The following EXOC6 variants were observed in gnomAD, a reference collection of about 807,000 sequenced individuals.
EXOC6 encodes the protein SEC15-like 1.
A neutral mutation model predicts 112.5 loss-of-function variants in EXOC6; 60 were observed. The ratio of observed to expected loss-of-function variants is 0.53; its 90% CI spans 0.43 to 0.66. The LOEUF is 0.66. Ranked by LOEUF, EXOC6 falls within the 30% of genes least tolerant of loss-of-function variation. The pLI, the probability that EXOC6 is intolerant of heterozygous loss-of-function variation, is 0.00. For missense variants in EXOC6, 855 were observed against 957.1 expected (o/e 0.89, Z 1.41); for synonymous variants, 295 against 308.0 (o/e 0.96, Z 0.44).
intron 18 of EXOC6, among the ~76,000 whole-genome samples, chr10:92,991,144 A>C (rs985969761): frequency 1.3e-5 from 2 of 149,420 alleles, no homozygotes; most frequent in Non-Finnish European, 3.0e-5. Flanking sequence ...TTTTTTTCCC[A>C]AGACAGAGTC....
intron 18 of EXOC6, among the ~76,000 whole-genome samples, chr10:92,977,337 T>C (rs948155625): frequency 1.3e-5 from 2 of 151,876 alleles, no homozygotes. Flanking sequence ...AAGAACCAAT[T>C]AGAAAAGTTG....
intron 18 of EXOC6, among the ~76,000 whole-genome samples, chr10:92,994,113 G>T (rs1482710778): frequency 6.6e-6 from 1 of 152,216 alleles, no homozygotes; most frequent in Admixed American, 6.5e-5. Context: ...TTAGCAGATT[G>T]TAGTCATATT....
At chr10:92,843,516 A>G (rs994765667), upstream of EXOC6, among the ~76,000 whole-genome samples, 19 of 152,206 alleles carry the variant, frequency 1.2e-4, no homozygotes, top group Admixed American at 2.0e-4. Context: ...CCCAGGGGTG[A>G]GGAGGGGAAT....
At chr10:92,893,209 C>T (rs992984045) in intron 1 of EXOC6, 140 bp from the exon 2 acceptor site, 74 of 568,262 alleles carry the variant, frequency 1.3e-4, no homozygotes, top group African/African-American at 3.6e-4. Flanking sequence ...AATACTTTCA[C>T]GCAAATTATT....
intron 17 of EXOC6, among the ~76,000 whole-genome samples, chr10:92,966,240 C>A (rs116204231): frequency 0.014 from 2,140 of 150,228 alleles, 51 homozygotes; most frequent in African/African-American, 0.05. Flanking sequence ...GTTTTCTGAA[C>A]CACTTTTTCC....
At chr10:92,847,803 G>A (rs1255416250), upstream of EXOC6, among the ~76,000 whole-genome samples, 2 of 148,092 alleles carry the variant, frequency 1.4e-5, no homozygotes, top group South Asian at 4.3e-4. Flanking sequence ...TGAGTTCACG[G>A]ACTTTGGTAT....
chr10:93,053,029 C>G (rs1251507230), intron 20 of EXOC6, among the ~76,000 whole-genome samples: 1 of 152,098 alleles, frequency 6.6e-6, no homozygotes, highest in African/African-American at 2.4e-5. Context: ...TGAGATTTTT[C>G]ATAATGTAGA....
intron 20 of EXOC6, among the ~76,000 whole-genome samples, chr10:93,049,237 T>A (rs896957689): frequency 2.0e-5 from 3 of 151,954 alleles, no homozygotes; most frequent in Non-Finnish European, 4.4e-5. Flanking sequence ...TTTTATATAT[T>A]TTTTTAGTAG....
At chr10:92,931,387 TA>T in intron 9 of EXOC6, among the ~76,000 whole-genome samples, 1 of 151,712 alleles carries the variant, frequency 6.6e-6, no homozygotes, top group Non-Finnish European at 1.5e-5. Flanking sequence ...ACTGTCAGGC[TA>T]TTTTTTTTAG....
At chr10:92,912,615 C>T (rs1193069199) in intron 6 of EXOC6, among the ~76,000 whole-genome samples, 1 of 152,124 alleles carries the variant, frequency 6.6e-6, no homozygotes, top group African/African-American at 2.4e-5. Context: ...ACAGTGTGTG[C>T]ATCAGTAATT....
intron 12 of EXOC6, among the ~76,000 whole-genome samples, chr10:92,937,560 A>T (rs1852414831): frequency 6.6e-6 from 1 of 152,022 alleles, no homozygotes. Context: ...TTATTTTATC[A>T]CTCATGTCTA....
chr10:92,976,517 C>T (rs552464013), intron 18 of EXOC6, among the ~76,000 whole-genome samples: 1 of 151,768 alleles, frequency 6.6e-6, no homozygotes, highest in African/African-American at 2.4e-5. Flanking sequence ...CCCAGGGACA[C>T]AAACACTGCG....
At chr10:92,990,708 C>G (rs1233994448) in intron 18 of EXOC6, among the ~76,000 whole-genome samples, 3 of 151,926 alleles carry the variant, frequency 2.0e-5, no homozygotes, top group Non-Finnish European at 4.4e-5. Context: ...GGTTTATTGC[C>G]CCTGTCAACC....
rs67242778 is a variant in EXOC6 at position 92,988,800 on chromosome 10, T to TACACACACACACAC, written c.1954-8647_1954-8634dup. Among the ~76,000 whole-genome samples the TACACACACACACAC allele has an allele frequency of 1.7e-3, 242 of 143,082 alleles. 2 individuals are homozygous for TACACACACACACAC. Among genetic ancestry groups the TACACACACACACAC allele is most frequent in the African/African-American group, 4.5e-3 (176 of 38,962 alleles). The allele number at this position is 143,082 out of a possible 152,430, so 93.9% of individuals were successfully genotyped here. ...GACAAAACCCCATCTCTACAAAAAA[T>TACACACACACACAC]ACACACACACACACACACACACACA... On this transcript the variant is annotated intron_variant, in intron 18 of 21. Coordinates refer to ENST00000260762, the MANE Select transcript of EXOC6 (RefSeq NM_019053.6).
At chr10:92,973,916 A>C (rs984047783) in intron 17 of EXOC6, 137 bp from the exon 18 acceptor site, 42 of 699,368 alleles carry the variant, frequency 6.0e-5, no homozygotes, top group Middle Eastern at 3.3e-4. Flanking sequence ...GAAAAAAAAA[A>C]CCAACAGTTT....
intron 17 of EXOC6, 130 bp from the exon 18 acceptor site, chr10:92,973,923 G>A: frequency 1.3e-6 from 1 of 744,534 alleles, no homozygotes; most frequent in Non-Finnish European, 2.1e-6. Flanking sequence ...AAAACCAACA[G>A]TTTTCCTGGA....
At chr10:92,830,645 G>A (rs182769052), upstream of EXOC6, among the ~76,000 whole-genome samples, 135 of 152,244 alleles carry the variant, frequency 8.9e-4, no homozygotes, top group African/African-American at 3.1e-3. Flanking sequence ...ATTCTCACTA[G>A]ATATCAGTAG....
intron 5 of EXOC6, among the ~76,000 whole-genome samples, chr10:92,905,401 C>T (rs765178527): frequency 1.4e-4 from 22 of 151,842 alleles, no homozygotes; most frequent in Non-Finnish European, 2.2e-4. Flanking sequence ...ATTGAGTCTT[C>T]GTATTCATTA....
Position 92,996,619 on chromosome 10 carries a change from A to C in EXOC6, c.1954-855A>C, listed in dbSNP as rs2182450. On this transcript the variant is annotated intron_variant, in intron 18 of 21. Coordinates refer to ENST00000260762, the MANE Select transcript of EXOC6 (RefSeq NM_019053.6). ...GAGACTCTGTCTCAAAAAAAAAAAA[A>C]ATTAATTTACACTAAAAGTGATGTA... 4.2e-3 allele frequency among the ~76,000 whole-genome samples: 630 copies of C among 151,756 alleles called. 3 individuals carry two copies. The highest frequency in any genetic ancestry group is 0.014 in the African/African-American group (577 of 41,326).
Sources: gnomAD v4.1 joint callset for allele counts (sites outside exome capture counted in the v4.1 genomes callset) on GRCh38, gnomAD v4.1.1 for gene constraint, MANE v1.5 for transcripts, NCBI Gene and HGNC (gene_info 2026-07-23, HGNC 2026-07-21) for gene names.